Variants in GMEB1 observed in about 807,000 individuals in gnomAD.
GMEB1 encodes glucocorticoid modulatory element binding protein 1, also known as glucocorticoid modulatory element-binding protein 1.
Under a neutral mutation model 52.4 loss-of-function variants are expected in GMEB1, and 6 were observed. That is an observed-to-expected ratio of 0.11 (90% CI 0.06 to 0.23). GMEB1 has a LOEUF of 0.23. GMEB1 is among the 10% of genes least tolerant of loss of function. The pLI is 1.00. For missense variants in GMEB1, 486 were observed against 685.6 expected (o/e 0.71, Z 3.25); for synonymous variants, 255 against 244.9 (o/e 1.04, Z -0.38).
At chr1:28,671,676 C>T (rs1668889419) in intron 1 of GMEB1, among the ~76,000 whole-genome samples, 1 of 151,532 alleles carries the variant, frequency 6.6e-6, no homozygotes, top group Non-Finnish European at 1.5e-5. Context: ...CTCCGGAAGT[C>T]GAGGTTGCAG....
chr1:28,708,702 G>A (rs1670903905), intron 8 of GMEB1, among the ~76,000 whole-genome samples: 2 of 151,648 alleles, frequency 1.3e-5, no homozygotes, highest in Non-Finnish European at 2.9e-5. Context: ...CACCCACCTC[G>A]GCCTCCCAAA....
chr1:28,700,983 G>A (rs1055996322), intron 6 of GMEB1, among the ~76,000 whole-genome samples: 6 of 151,994 alleles, frequency 3.9e-5, no homozygotes, highest in Non-Finnish European at 8.8e-5. Flanking sequence ...TGCAAAACCC[G>A]GGTCTATGAA....
chr1:28,684,697 C>T (rs1669557653), intron 2 of GMEB1, among the ~76,000 whole-genome samples: 1 of 151,702 alleles, frequency 6.6e-6, no homozygotes, highest in South Asian at 2.1e-4. Flanking sequence ...AATGAGAACA[C>T]ATGGACACAG....
intron 6 of GMEB1, among the ~76,000 whole-genome samples, chr1:28,700,103 C>A (rs1305856167): frequency 6.6e-6 from 1 of 151,300 alleles, no homozygotes; most frequent in African/African-American, 2.4e-5. Flanking sequence ...GGTGCAGCGG[C>A]CCACGCCTAT....
intron 8 of GMEB1, among the ~76,000 whole-genome samples, chr1:28,708,742 G>A (rs578064668): frequency 6.7e-6 from 1 of 149,794 alleles, no homozygotes; most frequent in South Asian, 2.3e-4. Flanking sequence ...GAGCCACCAC[G>A]CCCAGCACTC....
chr1:28,696,766 G>A (rs914071809), intron 5 of GMEB1, among the ~76,000 whole-genome samples, 161 bp from the exon 6 acceptor site: 1 of 152,030 alleles, frequency 6.6e-6, no homozygotes, highest in Admixed American at 6.6e-5. Flanking sequence ...AAAATTTAAA[G>A]CCCCAATTAG....
At position 28,690,138 on chromosome 1, in the gene GMEB1, G is replaced by A; in HGVS notation, c.163G>A (p.Val55Ile). 1.3e-6 allele frequency: 2 copies of A among 1,590,718 alleles called. No individual in the cohort carries two copies. The highest frequency in any genetic ancestry group is 1.7e-6 in the Non-Finnish European group (2 of 1,166,082). ...YEAGSENNTA[V>I]VAVETHTIHK... ...AGCTGGGTCGGAGAACAACACGGCA[G>A]TTGTAGCAGTAGAAACTCACACGAT... The change falls in exon 3 of 10, where the codon GTT becomes ATT. Residue 55 changes from valine to isoleucine, a missense_variant. Transcript: ENST00000373816.
intron 1 of GMEB1, among the ~76,000 whole-genome samples, chr1:28,677,472 C>T (rs1570382350): frequency 6.6e-6 from 1 of 152,280 alleles, no homozygotes; most frequent in South Asian, 2.1e-4. Flanking sequence ...GCTGGGATTA[C>T]AGGCGTGAGC....
intron 8 of GMEB1, among the ~76,000 whole-genome samples, chr1:28,709,556 A>G (rs1392702789): frequency 6.6e-6 from 1 of 151,910 alleles, no homozygotes; most frequent in Non-Finnish European, 1.5e-5. Flanking sequence ...TCAGAACTAT[A>G]AACAGATGCA....
chr1:28,698,947 T>C (rs1670362730), intron 6 of GMEB1, among the ~76,000 whole-genome samples: 2 of 151,916 alleles, frequency 1.3e-5, no homozygotes, highest in African/African-American at 4.8e-5. Context: ...TCGTCCCATA[T>C]TCCAGCCTGG....
chr1:28,705,162 G>A (rs1478182526), intron 8 of GMEB1, among the ~76,000 whole-genome samples: 1 of 151,186 alleles, frequency 6.6e-6, no homozygotes, highest in East Asian at 2.0e-4. Flanking sequence ...GCCGAGACCG[G>A]CGGATTACTT....
intron 4 of GMEB1, among the ~76,000 whole-genome samples, 179 bp from the exon 5 acceptor site, chr1:28,692,763 A>G (rs1209570867): frequency 6.6e-6 from 1 of 152,166 alleles, no homozygotes; most frequent in East Asian, 1.9e-4. Context: ...AATTGAGACT[A>G]TGCTCAGAGA....
chr1:28,678,395 T>C (rs1428343052), intron 1 of GMEB1, among the ~76,000 whole-genome samples: 1 of 151,206 alleles, frequency 6.6e-6, no homozygotes, highest in Non-Finnish European at 1.5e-5. Context: ...CACTGCAAGC[T>C]CCGCCTCTGG....
At chr1:28,669,755 C>T (rs1345405411) in intron 1 of GMEB1, among the ~76,000 whole-genome samples, 3 of 152,040 alleles carry the variant, frequency 2.0e-5, no homozygotes, top group Non-Finnish European at 4.4e-5. Context: ...GATGGAGAAA[C>T]CTATCTTTTT....
Position 28,672,551 on chromosome 1 carries a change from A to ATAT in GMEB1, c.-31+3726_-31+3728dup, listed in dbSNP as rs569800980. On this transcript the variant is annotated intron_variant, in intron 1 of 9. Coordinates refer to ENST00000373816, the MANE Select transcript of GMEB1 (RefSeq NM_001319674.2). ...TTTTTTAAGTCCCCAGAAAGTGCCAATATTATTATTATTATTTTTTGTTAT... is the reference window on the plus strand; with the variant it reads ...TTTTTTAAGTCCCCAGAAAGTGCCAATATTATTATTATTATTATTTTTTGTTAT... Among the ~76,000 whole-genome samples the ATAT allele has an allele frequency of 3.7e-3, 555 of 151,536 alleles. 7 individuals are homozygous for ATAT. The highest frequency in any genetic ancestry group is 0.013 in the African/African-American group (528 of 41,324).
intron 6 of GMEB1, among the ~76,000 whole-genome samples, chr1:28,699,506 T>G (rs1336773661): frequency 6.6e-6 from 1 of 152,018 alleles, no homozygotes; most frequent in African/African-American, 2.4e-5. Flanking sequence ...CTTGGCTCAC[T>G]GCAACCTCCC....
chr1:28,676,651 G>A (rs530169995), intron 1 of GMEB1, among the ~76,000 whole-genome samples: 45 of 151,496 alleles, frequency 3.0e-4, no homozygotes, highest in African/African-American at 1.0e-3. Flanking sequence ...GCATGAACCC[G>A]GAGGCGGAGC....
intron 1 of GMEB1, among the ~76,000 whole-genome samples, chr1:28,681,137 G>A (rs1028874512): frequency 5.3e-5 from 8 of 152,144 alleles, no homozygotes; most frequent in African/African-American, 1.7e-4. Context: ...TGGTTGTGAC[G>A]GGGGTACTGC....
At position 28,714,349 on chromosome 1, in the gene GMEB1, C is replaced by T; in HGVS notation, c.1268C>T (p.Pro423Leu). ...GCCACCCTCAGCCAGGGCTCCAGTC[C>T]TGTGACTGTCCACACACTGCCTTCT... ...PVATLSQGSSPVTVHTLPSGP... is the reference protein window; with the variant it reads ...PVATLSQGSSLVTVHTLPSGP... The change falls in exon 10 of 10, where the codon CCT becomes CTT. Residue 423 changes from proline (P) to leucine (L), a missense_variant. Physicochemically the swap from Pro to Leu is moderately conservative, Grantham distance 98. Around this residue, in one of 5 missense-constraint regions of GMEB1, gnomAD observed 153 missense variants for 200.8 expected, o/e 0.76. Coordinates refer to ENST00000373816, the MANE Select transcript of GMEB1 (RefSeq NM_001319674.2). 1 of 1,614,218 alleles carries T rather than the reference C, an allele frequency of 6.2e-7. No individual in the cohort carries two copies. The highest frequency in any genetic ancestry group is 8.5e-7 in the Non-Finnish European group (1 of 1,180,032).
Sources: allele counts gnomAD v4.1 joint callset (sites outside exome capture counted in the v4.1 genomes callset), GRCh38; gene constraint gnomAD v4.1.1; regional missense constraint gnomAD v4.1.1; transcripts MANE v1.5; gene names NCBI Gene and HGNC (gene_info 2026-07-23, HGNC 2026-07-21).